SGCD: variants seen among roughly 807,000 people sequenced by gnomAD.
SGCD encodes the protein delta-sarcoglycan.
A neutral mutation model predicts 36.6 loss-of-function variants in SGCD; 18 were observed. The observed-to-expected ratio is 0.49, with a 90% CI of 0.34 to 0.73. The LOEUF (loss-of-function observed/expected upper bound fraction) is 0.73. Among genes scored for constraint, SGCD ranks in the 30% least tolerant of loss-of-function variants. The pLI is 0.01. For synonymous variants in SGCD, 133 were observed against 130.6 expected, an observed-to-expected ratio of 1.02 and a Z score of -0.12; for missense variants, 387 against 346.7, an observed-to-expected ratio of 1.12 and a Z score of -0.92.
the SGCD span, among the ~76,000 whole-genome samples, chr5:155,790,959 C>T: frequency 1.5e-3 from 230 of 152,110 alleles, no homozygotes; most frequent in African/African-American, 5.3e-3. Flanking sequence ...CTACAATAAA[C>T]AAAAATAGAA....
At chr5:155,785,474 C>T in the SGCD span, among the ~76,000 whole-genome samples, 2 of 152,164 alleles carry the variant, frequency 1.3e-5, no homozygotes, top group Non-Finnish European at 2.9e-5. Context: ...TTATTGTTCA[C>T]GATAGTCACC....
chr5:156,731,882 C>T (rs971711683), intron 7 of SGCD, among the ~76,000 whole-genome samples: 3 of 152,038 alleles, frequency 2.0e-5, no homozygotes, highest in African/African-American at 7.2e-5. Flanking sequence ...CCCTGGTTAG[C>T]TGTATTCCTG....
intron 3 of SGCD, among the ~76,000 whole-genome samples, chr5:156,358,677 T>C (rs1345870950): frequency 1.3e-5 from 2 of 152,056 alleles, no homozygotes; most frequent in East Asian, 3.9e-4. Context: ...AAAAGAACAG[T>C]CAGGATAAGT....
intron 3 of SGCD, among the ~76,000 whole-genome samples, chr5:156,423,171 A>G (rs1773407111): frequency 7.8e-6 from 1 of 127,872 alleles, no homozygotes; most frequent in Non-Finnish European, 1.6e-5. Flanking sequence ...TATTATATTT[A>G]ATATAATTAA....
chr5:156,502,158 T>A (rs1333903740), intron 3 of SGCD, among the ~76,000 whole-genome samples: 1 of 151,934 alleles, frequency 6.6e-6, no homozygotes, highest in Non-Finnish European at 1.5e-5. Context: ...GCCATTCTCC[T>A]GCCTCAGCCT....
At chr5:155,755,023 T>A in the SGCD span, among the ~76,000 whole-genome samples, 1 of 152,114 alleles carries the variant, frequency 6.6e-6, no homozygotes, top group East Asian at 1.9e-4. Flanking sequence ...GGCTGCCACC[T>A]CTGAACTGTG....
intron 1 of SGCD, among the ~76,000 whole-genome samples, chr5:155,873,605 C>A (rs1755704700): frequency 6.6e-6 from 1 of 152,164 alleles, no homozygotes; most frequent in African/African-American, 2.4e-5. Context: ...TGGCTGCACT[C>A]AAAGCCTAGA....
At position 156,680,033 on chromosome 5, in the gene SGCD, T is replaced by G. The variant is rs528880715; in HGVS notation, c.575+32497T>G. 6.4e-4 allele frequency among the ~76,000 whole-genome samples: 97 copies of G among 152,336 alleles called. No individual in the cohort carries two copies. The Middle Eastern group carries it at 0.02, about 32-fold the overall frequency. On this transcript the variant is annotated intron_variant, in intron 7 of 8. Coordinates refer to ENST00000337851, the MANE Select transcript of SGCD (RefSeq NM_000337.6). ...GCAAATATTCAAAGTGTAATTAGGA[T>G]TAGTTCAGTATAGCAGCTTGTTTCT... is the stretch of plus-strand genomic sequence containing the variant.
intron 3 of SGCD, among the ~76,000 whole-genome samples, chr5:156,390,223 A>AT (rs1456241117): frequency 1.3e-5 from 2 of 151,664 alleles, no homozygotes; most frequent in Non-Finnish European, 2.9e-5. Flanking sequence ...TTAAAAAAAA[A>AT]AGTTACATTT....
At chr5:156,315,264 G>C (rs1375834576) in intron 3 of SGCD, among the ~76,000 whole-genome samples, 1 of 56,138 alleles carries the variant, frequency 1.8e-5, no homozygotes, top group Non-Finnish European at 3.0e-5. Flanking sequence ...CTTTGAGTCT[G>C]ATTTTTTTTT....
At chr5:156,015,134 G>A (rs912791754) in intron 1 of SGCD, among the ~76,000 whole-genome samples, 2 of 152,152 alleles carry the variant, frequency 1.3e-5, no homozygotes, top group African/African-American at 4.8e-5. Flanking sequence ...TCACTTGGTT[G>A]CAAAATGGTG....
intron 3 of SGCD, among the ~76,000 whole-genome samples, chr5:156,478,769 C>T (rs577632487): frequency 4.6e-5 from 7 of 152,092 alleles, no homozygotes; most frequent in South Asian, 2.1e-4. Flanking sequence ...TTAGTAGAGA[C>T]GGGGTTTTGC....
intron 7 of SGCD, among the ~76,000 whole-genome samples, chr5:156,712,113 T>C (rs921860722): frequency 6.6e-6 from 1 of 152,034 alleles, no homozygotes; most frequent in African/African-American, 2.4e-5. Context: ...CTGCAACCTG[T>C]TTTATTAGCA....
intron 6 of SGCD, among the ~76,000 whole-genome samples, chr5:156,629,855 C>CTTTTTTTTTT (rs560099325): frequency 2.3e-5 from 2 of 85,624 alleles, no homozygotes; most frequent in Non-Finnish European, 4.8e-5. Context: ...GAGACTTTTT[C>CTTTTTTTTTT]TTTTTTTTTT....
At chr5:155,729,538 G>C in the SGCD span, among the ~76,000 whole-genome samples, 1 of 152,242 alleles carries the variant, frequency 6.6e-6, no homozygotes, top group Non-Finnish European at 1.5e-5. Flanking sequence ...CCAGCCTCCG[G>C]AATGCCCGAT....
At chr5:156,077,603 T>C (rs1760821898) in intron 1 of SGCD, among the ~76,000 whole-genome samples, 1 of 152,204 alleles carries the variant, frequency 6.6e-6, no homozygotes, top group Non-Finnish European at 1.5e-5. Context: ...GGGTATATCA[T>C]ATGATAATTC....
At chr5:156,587,223 C>T (rs1365430379) in intron 4 of SGCD, among the ~76,000 whole-genome samples, 2 of 152,182 alleles carry the variant, frequency 1.3e-5, no homozygotes. Flanking sequence ...AAGTTTTCCT[C>T]TGGCAAGTCT....
chr5:156,405,196 C>T (rs1159083367), intron 3 of SGCD, among the ~76,000 whole-genome samples: 3 of 152,164 alleles, frequency 2.0e-5, no homozygotes, highest in Admixed American at 2.0e-4. Context: ...GAGCCTCCGA[C>T]CTGGGGCAAA....
chr5:156,137,390 A>G (rs1466818685), intron 3 of SGCD, among the ~76,000 whole-genome samples: 2 of 152,180 alleles, frequency 1.3e-5, no homozygotes, highest in African/African-American at 4.8e-5. Context: ...AACTATATAC[A>G]ATGGAACATG....
Sources: gnomAD v4.1 joint callset for allele counts (sites outside exome capture counted in the v4.1 genomes callset) on GRCh38, gnomAD v4.1.1 for gene constraint, MANE v1.5 for transcripts, NCBI Gene and HGNC (gene_info 2026-07-23, HGNC 2026-07-21) for gene names.